The following TBC1D22A variants were observed in gnomAD, a reference collection of about 807,000 sequenced individuals.
TBC1D22A encodes the protein TBC1 domain family member 22A.
Under a neutral mutation model 60.2 loss-of-function variants are expected in TBC1D22A, and 38 were observed. That is an observed-to-expected ratio of 0.63 (90% CI 0.49 to 0.83). TBC1D22A has a LOEUF of 0.83. Among genes scored for constraint, TBC1D22A ranks in the 40% least tolerant of loss-of-function variants. The probability of loss-of-function intolerance (pLI) is 0.00; values close to 1 mark genes in which losing one functional copy is unlikely to be tolerated. For synonymous variants in TBC1D22A, 302 were observed against 281.7 expected (o/e 1.07, Z -0.72); for missense variants, 628 against 701.0 (o/e 0.90, Z 1.18).
intron 11 of TBC1D22A, among the ~76,000 whole-genome samples, chr22:47,084,724 C>T (rs2064608763): frequency 2.0e-5 from 3 of 152,092 alleles, no homozygotes; most frequent in Admixed American, 1.3e-4. Flanking sequence ...TATGAAAAGT[C>T]CCTGATGAAT....
intron 10 of TBC1D22A, among the ~76,000 whole-genome samples, chr22:47,008,895 A>T (rs773693380): frequency 1.1e-4 from 16 of 152,130 alleles, no homozygotes; most frequent in Non-Finnish European, 1.0e-4. Flanking sequence ...TTGGTGGCTG[A>T]GTGACAGCGA....
intron 9 of TBC1D22A, among the ~76,000 whole-genome samples, chr22:46,986,439 T>C (rs2074726156): frequency 6.6e-6 from 1 of 151,932 alleles, no homozygotes; most frequent in Non-Finnish European, 1.5e-5. Flanking sequence ...AATGAGAATA[T>C]GTGGAATTGT....
At chr22:46,821,053 CTTT>C (rs139587) in intron 4 of TBC1D22A, among the ~76,000 whole-genome samples, 37 of 123,914 alleles carry the variant, frequency 3.0e-4, no homozygotes, top group Non-Finnish European at 4.2e-4. Context: ...GCAACCCCTG[CTTT>C]TTTTTTTTTT....
At chr22:47,020,552 G>A (rs58984084) in intron 10 of TBC1D22A, among the ~76,000 whole-genome samples, 4,333 of 152,100 alleles carry the variant, frequency 0.028, 92 homozygotes, top group African/African-American at 0.057. Flanking sequence ...GTCAACCAGA[G>A]CTTTCTTGTT....
At chr22:46,935,880 C>T (rs1317797329) in intron 8 of TBC1D22A, among the ~76,000 whole-genome samples, 5 of 149,746 alleles carry the variant, frequency 3.3e-5, no homozygotes, top group African/African-American at 9.9e-5. Context: ...CCTTTGCTGT[C>T]GCGCTGTCTC....
chr22:47,005,407 C>CAT (rs2061553482), intron 10 of TBC1D22A, among the ~76,000 whole-genome samples: 1 of 151,396 alleles, frequency 6.6e-6, no homozygotes, highest in Non-Finnish European at 1.5e-5. Context: ...CACCAATACA[C>CAT]ATATATACAC....
chr22:46,934,357 C>G (rs2071524562), intron 8 of TBC1D22A, among the ~76,000 whole-genome samples: 1 of 152,226 alleles, frequency 6.6e-6, no homozygotes, highest in Non-Finnish European at 1.5e-5. Flanking sequence ...CCTTCGTGCT[C>G]TGGGGTGTGT....
intron 4 of TBC1D22A, among the ~76,000 whole-genome samples, chr22:46,877,286 C>G (rs1200195019): frequency 6.6e-6 from 1 of 152,186 alleles, no homozygotes; most frequent in Non-Finnish European, 1.5e-5. Context: ...AAAGCTTGAG[C>G]AGAGTTTGAG....
intron 1 of TBC1D22A, among the ~76,000 whole-genome samples, chr22:46,779,719 A>C (rs1276429985): frequency 6.6e-6 from 1 of 152,178 alleles, no homozygotes; most frequent in Non-Finnish European, 1.5e-5. Context: ...CTCAGCCCCT[A>C]CTGGGTTCTC....
intron 12 of TBC1D22A, among the ~76,000 whole-genome samples, chr22:47,126,584 C>T (rs1177211357): frequency 6.6e-6 from 1 of 152,256 alleles, no homozygotes; most frequent in Non-Finnish European, 1.5e-5. Flanking sequence ...CCAGTGAGCT[C>T]AGGCCTTCCA....
intron 1 of TBC1D22A, among the ~76,000 whole-genome samples, chr22:46,779,408 A>G (rs111776526): frequency 5.9e-5 from 9 of 151,956 alleles, no homozygotes; most frequent in African/African-American, 1.9e-4. Context: ...AAAGGTGCCC[A>G]CCACCACACC....
At chr22:47,088,226 C>G (rs2147600931) in intron 11 of TBC1D22A, among the ~76,000 whole-genome samples, 1 of 152,104 alleles carries the variant, frequency 6.6e-6, no homozygotes, top group South Asian at 2.1e-4. Context: ...AAATGAGCAC[C>G]CTGCGGAGTC....
At chr22:47,019,093 C>T (rs976849640) in intron 10 of TBC1D22A, among the ~76,000 whole-genome samples, 6 of 152,232 alleles carry the variant, frequency 3.9e-5, no homozygotes, top group Admixed American at 1.3e-4. Context: ...TCTTCACTCC[C>T]GCGCCTCCCA....
intron 4 of TBC1D22A, among the ~76,000 whole-genome samples, chr22:46,800,107 C>T (rs567486223): frequency 1.3e-5 from 2 of 152,262 alleles, no homozygotes; most frequent in East Asian, 1.9e-4. Flanking sequence ...TTTAGAGTGC[C>T]CTGTAACATG....
chr22:46,904,773 A>C (rs1448806218), intron 7 of TBC1D22A, among the ~76,000 whole-genome samples: 1 of 148,194 alleles, frequency 6.7e-6, no homozygotes, highest in Non-Finnish European at 1.5e-5. Context: ...CGGCCGAGAA[A>C]ATTTTTTTTT....
At chr22:46,815,742 G>C (rs2085567261) in intron 4 of TBC1D22A, among the ~76,000 whole-genome samples, 1 of 152,222 alleles carries the variant, frequency 6.6e-6, no homozygotes, top group Non-Finnish European at 1.5e-5. Context: ...TCCATGTTGA[G>C]AGACCAGGCA....
intron 9 of TBC1D22A, among the ~76,000 whole-genome samples, chr22:46,975,522 CA>C (rs1333953604): frequency 6.6e-6 from 1 of 152,134 alleles, no homozygotes; most frequent in Admixed American, 6.5e-5. Context: ...GGAGGGTCTG[CA>C]TGTTCTGCCA....
intron 11 of TBC1D22A, among the ~76,000 whole-genome samples, chr22:47,071,577 C>T (rs1890897847): frequency 6.6e-6 from 1 of 152,216 alleles, no homozygotes; most frequent in Non-Finnish European, 1.5e-5. Context: ...ACGGGAAGCC[C>T]TTCACTCGGG....
intron 7 of TBC1D22A, among the ~76,000 whole-genome samples, chr22:46,900,254 C>T (rs531432027): frequency 2.0e-5 from 3 of 151,680 alleles, no homozygotes; most frequent in African/African-American, 4.8e-5. Flanking sequence ...TGGGTTCAAG[C>T]GATTCTCTTG....
Sources: allele counts gnomAD v4.1 joint callset (sites outside exome capture counted in the v4.1 genomes callset), GRCh38; gene constraint gnomAD v4.1.1; transcripts MANE v1.5; gene names NCBI Gene and HGNC (gene_info 2026-07-23, HGNC 2026-07-21).